The following SORCS1 variants were observed in gnomAD, a reference collection of about 807,000 sequenced individuals.
SORCS1 encodes the protein sortilin related VPS10 domain containing receptor 1, also known as VPS10 domain-containing receptor SorCS1.
Under a neutral mutation model 146.1 loss-of-function variants are expected in SORCS1, and 60 were observed. The observed-to-expected ratio is 0.41, with a 90% CI of 0.33 to 0.51. SORCS1 has a LOEUF of 0.51. Ranked by LOEUF, SORCS1 falls within the 20% of genes least tolerant of loss-of-function variation. The pLI is 0.21. For missense variants in SORCS1, 1,352 were observed against 1,487.6 expected (o/e 0.91, Z 1.50); for synonymous variants, 637 against 584.0 (o/e 1.09, Z -1.31).
Position 106,577,549 on chromosome 10 carries a change from T to C in SORCS1, c.3378A>G (p.Val1126=), listed in dbSNP as rs1844644110. Residue 1126 remains valine (V), a synonymous_variant, in exon 26 of 26, where the codon GTA becomes GTG. Coordinates refer to ENST00000263054, the MANE Select transcript of SORCS1 (RefSeq NM_052918.5). ...VFVIYKFKRR[V]ALPSPPSPST... Reference sequence around the variant, plus strand: ...AAGGGGAGGGAGGGGAGGGTAAAGCTACTCTCCTAAGAGAAAACGTGTAAC... The same window carrying C: ...AAGGGGAGGGAGGGGAGGGTAAAGCCACTCTCCTAAGAGAAAACGTGTAAC... The C allele has an allele frequency of 6.2e-7, 1 of 1,610,550 alleles. No individual in the cohort carries two copies. Among genetic ancestry groups the C allele is most frequent in the South Asian group, 1.1e-5 (1 of 91,022 alleles).
intron 3 of SORCS1, among the ~76,000 whole-genome samples, chr10:106,828,787 A>G (rs1214830866): frequency 6.6e-6 from 1 of 152,204 alleles, no homozygotes; most frequent in African/African-American, 2.4e-5. Flanking sequence ...TCATTTAAAA[A>G]CAATATTTTC....
chr10:106,815,560 C>T (rs1205476498), intron 3 of SORCS1, among the ~76,000 whole-genome samples: 3 of 152,162 alleles, frequency 2.0e-5, no homozygotes, highest in African/African-American at 4.8e-5. Flanking sequence ...TCAGTTTCCA[C>T]TGGTACCTGG....
chr10:106,938,282 A>G (rs1953855951), intron 2 of SORCS1, among the ~76,000 whole-genome samples: 1 of 152,174 alleles, frequency 6.6e-6, no homozygotes, highest in Non-Finnish European at 1.5e-5. Context: ...GATGTTTGTC[A>G]TTATACACTG....
chr10:106,987,360 T>C (rs879713830), intron 1 of SORCS1, among the ~76,000 whole-genome samples: 2 of 152,230 alleles, frequency 1.3e-5, no homozygotes, highest in African/African-American at 2.4e-5. Flanking sequence ...CTCTCTCAGC[T>C]CTTTCAGTCT....
chr10:106,825,955 C>T (rs149938629), intron 3 of SORCS1, among the ~76,000 whole-genome samples: 1 of 152,180 alleles, frequency 6.6e-6, no homozygotes, highest in Non-Finnish European at 1.5e-5. Context: ...GTTGAGATTA[C>T]AGTTTTTACT....
At chr10:107,137,933 T>C (rs1158715163) in intron 1 of SORCS1, among the ~76,000 whole-genome samples, 1 of 152,096 alleles carries the variant, frequency 6.6e-6, no homozygotes, top group Admixed American at 6.6e-5. Flanking sequence ...CCAAGTTCCA[T>C]GAAGGCAGAA....
chr10:106,706,510 C>A (rs1421361091), intron 8 of SORCS1, 35 bp downstream of exon 8: 2 of 1,599,404 alleles, frequency 1.3e-6, no homozygotes, highest in South Asian at 2.2e-5. Context: ...GAATGAGAGT[C>A]AAGAGTGAAA....
At chr10:106,782,111 C>T (rs993657122) in intron 3 of SORCS1, among the ~76,000 whole-genome samples, 1 of 152,146 alleles carries the variant, frequency 6.6e-6, no homozygotes, top group South Asian at 2.1e-4. Flanking sequence ...AACATTTAGG[C>T]AACAGACTGT....
intron 17 of SORCS1, among the ~76,000 whole-genome samples, chr10:106,662,099 C>T (rs1449301440): frequency 6.6e-6 from 1 of 152,170 alleles, no homozygotes; most frequent in East Asian, 1.9e-4. Context: ...TCCTAGCCAG[C>T]AACTAAAACA....
intron 3 of SORCS1, among the ~76,000 whole-genome samples, chr10:106,799,910 G>C (rs375856913): frequency 6.6e-6 from 1 of 152,118 alleles, no homozygotes. Context: ...GTCCTAAAAG[G>C]GGAATTGCCT....
At chr10:106,785,486 T>A (rs1448791112) in intron 3 of SORCS1, among the ~76,000 whole-genome samples, 1 of 152,198 alleles carries the variant, frequency 6.6e-6, no homozygotes, top group Non-Finnish European at 1.5e-5. Flanking sequence ...CTCTTATTAA[T>A]CTGTCCAGTG....
intron 4 of SORCS1, among the ~76,000 whole-genome samples, chr10:106,762,944 C>T (rs1859252554): frequency 6.6e-6 from 1 of 152,114 alleles, no homozygotes; most frequent in Non-Finnish European, 1.5e-5. Flanking sequence ...ACAACAACAG[C>T]AGGCACCCAA....
intron 13 of SORCS1, 79 bp from the exon 14 acceptor site, chr10:106,675,235 C>T (rs1851937268): frequency 9.7e-7 from 1 of 1,028,650 alleles, no homozygotes; most frequent in South Asian, 1.5e-5. Flanking sequence ...TACTCTCAAC[C>T]CAGAGATAAT....
At chr10:106,952,217 C>T (rs1167968534) in intron 2 of SORCS1, among the ~76,000 whole-genome samples, 1 of 152,152 alleles carries the variant, frequency 6.6e-6, no homozygotes, top group African/African-American at 2.4e-5. Context: ...AAGCCTTCTT[C>T]CTTGGCAATA....
intron 2 of SORCS1, among the ~76,000 whole-genome samples, chr10:106,938,191 T>C (rs1369615398): frequency 5.9e-5 from 9 of 151,894 alleles, no homozygotes; most frequent in African/African-American, 2.2e-4. Context: ...GTCCAGGAAG[T>C]AGAGAGAAGA....
chr10:106,791,963 A>G (rs1036453822), intron 3 of SORCS1, among the ~76,000 whole-genome samples: 1 of 152,094 alleles, frequency 6.6e-6, no homozygotes, highest in Non-Finnish European at 1.5e-5. Context: ...ACTCACTTGA[A>G]ATCCTCATTT....
intron 1 of SORCS1, among the ~76,000 whole-genome samples, chr10:107,117,096 G>A (rs976801384): frequency 6.6e-6 from 1 of 152,176 alleles, no homozygotes; most frequent in African/African-American, 2.4e-5. Flanking sequence ...AGGAGAACTT[G>A]AAGATTTGAA....
chr10:106,598,403 A>G (rs1253240127), intron 23 of SORCS1, among the ~76,000 whole-genome samples: 2 of 151,904 alleles, frequency 1.3e-5, no homozygotes, highest in African/African-American at 4.8e-5. Flanking sequence ...TTGGGACTAC[A>G]GGCGTAAGCC....
chr10:106,724,544 T>C (rs1641960101), intron 6 of SORCS1, among the ~76,000 whole-genome samples: 1 of 151,498 alleles, frequency 6.6e-6, no homozygotes, highest in Non-Finnish European at 1.5e-5. Flanking sequence ...AATAAAAAAA[T>C]AAAAATAAAG....
Sources: gnomAD v4.1 joint callset for allele counts (sites outside exome capture counted in the v4.1 genomes callset) on GRCh38, gnomAD v4.1.1 for gene constraint, MANE v1.5 for transcripts, NCBI Gene and HGNC (gene_info 2026-07-23, HGNC 2026-07-21) for gene names.